The following PRKG1 variants were observed in gnomAD, a reference collection of about 807,000 sequenced individuals.
PRKG1 encodes cGMP-dependent protein kinase 1.
In PRKG1, 35 loss-of-function variants were observed where a neutral mutation model predicts 88.1. The observed-to-expected ratio is 0.40, with a 90% CI of 0.30 to 0.53. The LOEUF is 0.53. PRKG1 is among the 20% of genes least tolerant of loss of function. The probability of loss-of-function intolerance (pLI) is 0.59; values close to 1 mark genes in which losing one functional copy is unlikely to be tolerated. For synonymous variants in PRKG1, 303 were observed against 292.5 expected, an observed-to-expected ratio of 1.04 and a Z score of -0.37; for missense variants, 540 against 839.8, an observed-to-expected ratio of 0.64 and a Z score of 4.41.
intron 5 of PRKG1, among the ~76,000 whole-genome samples, chr10:51,963,047 T>G (rs1406790724): frequency 1.3e-5 from 2 of 152,210 alleles, no homozygotes; most frequent in African/African-American, 4.8e-5. Flanking sequence ...AATGTACACC[T>G]GCTTATTTAT....
chr10:52,131,919 T>C (rs1837277320), intron 7 of PRKG1, among the ~76,000 whole-genome samples: 1 of 146,298 alleles, frequency 6.8e-6, no homozygotes, highest in South Asian at 2.2e-4. Context: ...TTAACGAGAC[T>C]ATAACAAAAA....
chr10:51,809,402 A>G (rs1407715553), intron 4 of PRKG1, among the ~76,000 whole-genome samples: 1 of 152,214 alleles, frequency 6.6e-6, no homozygotes, highest in Non-Finnish European at 1.5e-5. Context: ...CTACTAAAAA[A>G]TACTGTTGTT....
intron 2 of PRKG1, among the ~76,000 whole-genome samples, chr10:51,219,523 CA>C (rs974147025): frequency 1.7e-4 from 26 of 151,968 alleles, no homozygotes; most frequent in African/African-American, 4.8e-4. Context: ...GCCTGGCCAA[CA>C]TAGTGAAACC....
chr10:51,158,097 A>T (rs192349579), intron 2 of PRKG1, among the ~76,000 whole-genome samples: 44 of 152,024 alleles, frequency 2.9e-4, no homozygotes, highest in Middle Eastern at 6.8e-3. Flanking sequence ...AATCCTACAG[A>T]ATACTAGAAC....
At chr10:51,172,161 TCA>T (rs1383754693) in intron 2 of PRKG1, among the ~76,000 whole-genome samples, 1 of 152,070 alleles carries the variant, frequency 6.6e-6, no homozygotes, top group Admixed American at 6.6e-5. Context: ...AAATAATGAG[TCA>T]CTTTCATATA....
intron 9 of PRKG1, among the ~76,000 whole-genome samples, chr10:52,200,756 G>A (rs534626057): frequency 1.8e-4 from 27 of 152,228 alleles, no homozygotes; most frequent in East Asian, 5.8e-4. Flanking sequence ...ATTCTGACTC[G>A]TGTGAAATGA....
chr10:52,189,753 A>G (rs899481327), intron 9 of PRKG1, among the ~76,000 whole-genome samples: 2 of 152,174 alleles, frequency 1.3e-5, no homozygotes, highest in African/African-American at 4.8e-5. Context: ...CAGTTATCAA[A>G]TTAGTTGATT....
chr10:51,206,544 C>T (rs1408950164), intron 2 of PRKG1, among the ~76,000 whole-genome samples: 2 of 151,482 alleles, frequency 1.3e-5, no homozygotes, highest in Non-Finnish European at 2.9e-5. Flanking sequence ...TTTCTTAAGC[C>T]AGAATGAAAA....
At chr10:51,880,848 T>C (rs1230329158) in intron 4 of PRKG1, among the ~76,000 whole-genome samples, 1 of 152,162 alleles carries the variant, frequency 6.6e-6, no homozygotes, top group Non-Finnish European at 1.5e-5. Context: ...GAATTAAGTA[T>C]TGAGTATCTT....
chr10:51,447,390 G>T (rs952879299), intron 2 of PRKG1, among the ~76,000 whole-genome samples: 3 of 152,024 alleles, frequency 2.0e-5, no homozygotes, highest in Non-Finnish European at 4.4e-5. Flanking sequence ...ATCCCATGAA[G>T]AACTATTAGC....
chr10:51,080,736 A>G (rs917953116), intron 1 of PRKG1, among the ~76,000 whole-genome samples: 60 of 152,326 alleles, frequency 3.9e-4, no homozygotes, highest in African/African-American at 1.4e-3. Flanking sequence ...TTGAGCTGGT[A>G]CTGTTTGCCA....
intron 2 of PRKG1, among the ~76,000 whole-genome samples, chr10:51,364,669 T>A (rs183928890): frequency 7.6e-4 from 116 of 151,924 alleles, no homozygotes; most frequent in African/African-American, 2.2e-3. Context: ...TATAAAAAAA[T>A]TTCAGGAAAA....
intron 2 of PRKG1, among the ~76,000 whole-genome samples, chr10:51,425,461 G>A (rs1838550386): frequency 6.6e-6 from 1 of 152,184 alleles, no homozygotes; most frequent in African/African-American, 2.4e-5. Flanking sequence ...TTGACATGGT[G>A]GGAGAGATTT....
chr10:51,498,929 C>T lies in PRKG1; in HGVS notation c.592+31093C>T, dbSNP rs141569756. ...TCTGTCAGAAAAAAAAAAAAGCCAG[C>T]ACATATACACAAGGAAAACATCTTC... On this transcript the variant is annotated intron_variant, in intron 3 of 17. Transcript: ENST00000373980. 1.9e-3 allele frequency among the ~76,000 whole-genome samples: 284 copies of T among 149,904 alleles called. 2 individuals carry two copies. The East Asian group carries it at 0.03, about 16-fold the overall frequency.
chr10:52,021,559 G>T (rs1214081200), intron 5 of PRKG1, among the ~76,000 whole-genome samples: 2 of 152,158 alleles, frequency 1.3e-5, no homozygotes, highest in African/African-American at 4.8e-5. Context: ...AGTATATAAA[G>T]TATATTTCCA....
intron 3 of PRKG1, among the ~76,000 whole-genome samples, chr10:51,508,005 G>A (rs565742951): frequency 2.6e-5 from 4 of 152,200 alleles, no homozygotes; most frequent in Admixed American, 2.0e-4. Flanking sequence ...TTGAGAGACA[G>A]CAATTTAATG....
At chr10:51,319,972 C>A in intron 2 of PRKG1, 1 of 232,082 alleles carries the variant, frequency 4.3e-6, no homozygotes. Context: ...TGGTCCTCAG[C>A]CATAACAAGC....
intron 8 of PRKG1, among the ~76,000 whole-genome samples, chr10:52,145,629 G>C (rs1837710105): frequency 6.6e-6 from 1 of 152,144 alleles, no homozygotes; most frequent in Non-Finnish European, 1.5e-5. Flanking sequence ...TCACTGTATA[G>C]TCATGAAGTT....
chr10:51,985,840 AC>A (rs1038189043), intron 5 of PRKG1, among the ~76,000 whole-genome samples: 1 of 152,192 alleles, frequency 6.6e-6, no homozygotes, highest in Non-Finnish European at 1.5e-5. Flanking sequence ...TCCTCCATTT[AC>A]AATGGGGTTA....
Sources: gnomAD v4.1 joint callset for allele counts (sites outside exome capture counted in the v4.1 genomes callset) on GRCh38, gnomAD v4.1.1 for gene constraint, MANE v1.5 for transcripts, NCBI Gene and HGNC (gene_info 2026-07-23, HGNC 2026-07-21) for gene names.